Variants in MTUS2 observed in about 807,000 individuals in gnomAD.
MTUS2 encodes microtubule-associated tumor suppressor candidate 2.
MTUS2 carries 40 observed loss-of-function variants against 114.1 expected under a neutral mutation model. That is an observed-to-expected ratio of 0.35 (90% CI 0.27 to 0.46). The LOEUF (loss-of-function observed/expected upper bound fraction) is 0.46, where lower values mean the gene tolerates loss of function less well. MTUS2 is among the 20% of genes least tolerant of loss of function. The pLI is 1.00. For synonymous variants in MTUS2, 688 were observed against 672.0 expected, an observed-to-expected ratio of 1.02 and a Z score of -0.37; for missense variants, 1,679 against 1,705.4, an observed-to-expected ratio of 0.98 and a Z score of 0.27.
chr13:28,910,827 T>C (rs562061448), intron 2 of MTUS2, among the ~76,000 whole-genome samples: 46 of 149,528 alleles, frequency 3.1e-4, no homozygotes, highest in Non-Finnish European at 4.9e-4. Context: ...TTGTGAATAG[T>C]GGCTGCAATG....
intron 5 of MTUS2, among the ~76,000 whole-genome samples, chr13:29,160,765 G>A (rs560558264): frequency 2.0e-3 from 254 of 129,346 alleles, no homozygotes; most frequent in Non-Finnish European, 3.3e-3. Context: ...GCGAGACTCC[G>A]TCTCAAAAAA....
intron 2 of MTUS2, among the ~76,000 whole-genome samples, chr13:28,949,182 C>T (rs1335630569): frequency 6.6e-6 from 1 of 152,160 alleles, no homozygotes; most frequent in Admixed American, 6.5e-5. Context: ...GGAAAATAAA[C>T]ATCTCTTCTC....
chr13:29,439,273 A>G (rs1357621565), intron 8 of MTUS2, among the ~76,000 whole-genome samples: 4 of 152,238 alleles, frequency 2.6e-5, no homozygotes, highest in African/African-American at 4.8e-5. Context: ...CAAATTCAGC[A>G]CATCTTCAAC....
intron 5 of MTUS2, among the ~76,000 whole-genome samples, chr13:29,171,408 A>G (rs913102979): frequency 1.3e-5 from 2 of 152,156 alleles, no homozygotes; most frequent in African/African-American, 4.8e-5. Context: ...ATCAGGCCAA[A>G]ATAGGATCTG....
chr13:29,453,287 C>A (rs1454115071), intron 9 of MTUS2, among the ~76,000 whole-genome samples: 5 of 152,186 alleles, frequency 3.3e-5, no homozygotes, highest in Non-Finnish European at 7.3e-5. Flanking sequence ...CAAACATAAT[C>A]GACTCAGTTG....
chr13:29,125,018 T>C (rs1286840796), intron 5 of MTUS2, among the ~76,000 whole-genome samples: 1 of 152,190 alleles, frequency 6.6e-6, no homozygotes, highest in Non-Finnish European at 1.5e-5. Context: ...ATGGTTGTAA[T>C]TGTTGCACAA....
chr13:28,972,958 T>G (rs1012792722), intron 2 of MTUS2, among the ~76,000 whole-genome samples: 2 of 152,158 alleles, frequency 1.3e-5, no homozygotes, highest in Non-Finnish European at 1.5e-5. Context: ...TGAGTAGATA[T>G]GAACATTTCC....
chr13:28,983,362 T>C (rs895043051), intron 2 of MTUS2, among the ~76,000 whole-genome samples: 1 of 152,224 alleles, frequency 6.6e-6, no homozygotes, highest in Non-Finnish European at 1.5e-5. Flanking sequence ...AGAAGCCATG[T>C]GTGGCTGTTG....
intron 2 of MTUS2, among the ~76,000 whole-genome samples, chr13:29,020,902 ATATTATTAAGTGT>A (rs1402634475): frequency 6.6e-6 from 1 of 152,068 alleles, no homozygotes; most frequent in Non-Finnish European, 1.5e-5. Context: ...CCTGCTATAA[ATATTATTAAGTGT>A]CCTAACTTAA....
chr13:29,286,220 C>T (rs937625273), intron 6 of MTUS2, among the ~76,000 whole-genome samples: 2 of 152,204 alleles, frequency 1.3e-5, no homozygotes, highest in Non-Finnish European at 2.9e-5. Flanking sequence ...GCCACCGCAC[C>T]CGAATTATTG....
intron 2 of MTUS2, among the ~76,000 whole-genome samples, chr13:28,948,825 G>A (rs566994604): frequency 6.6e-6 from 1 of 152,150 alleles, no homozygotes; most frequent in Non-Finnish European, 1.5e-5. Flanking sequence ...TATAACAGGT[G>A]TCCACTCCCC....
intron 6 of MTUS2, among the ~76,000 whole-genome samples, chr13:29,293,334 A>G (rs1263118203): frequency 2.6e-5 from 4 of 152,216 alleles, no homozygotes; most frequent in Non-Finnish European, 5.9e-5. Flanking sequence ...CAATGGCTAT[A>G]AACATATGAA....
intron 8 of MTUS2, among the ~76,000 whole-genome samples, chr13:29,379,238 A>G (rs1448714865): frequency 6.6e-6 from 1 of 152,206 alleles, no homozygotes; most frequent in Non-Finnish European, 1.5e-5. Context: ...TATGGACTTC[A>G]TTGACTTTTG....
At chr13:29,205,436 T>G (rs7322266) in intron 5 of MTUS2, among the ~76,000 whole-genome samples, 126,501 of 151,610 alleles carry the variant, frequency 0.83, 52,986 homozygotes, top group African/African-American at 0.91. Flanking sequence ...AGTATTTTTT[T>G]GGGGAAAGGT....
At chr13:28,834,636 T>C (rs533698511) in intron 1 of MTUS2, among the ~76,000 whole-genome samples, 12 of 152,178 alleles carry the variant, frequency 7.9e-5, no homozygotes, top group Non-Finnish European at 1.5e-4. Flanking sequence ...TATTTTCTTA[T>C]ATGTAACAAA....
intron 5 of MTUS2, among the ~76,000 whole-genome samples, chr13:29,276,317 T>C (rs1035880871): frequency 9.9e-5 from 15 of 152,232 alleles, no homozygotes; most frequent in Non-Finnish European, 2.2e-4. Context: ...ATGCGGAATA[T>C]ATAACCTTGC....
At chr13:28,930,168 T>A (rs1881538972) in intron 2 of MTUS2, among the ~76,000 whole-genome samples, 1 of 152,220 alleles carries the variant, frequency 6.6e-6, no homozygotes, top group African/African-American at 2.4e-5. Flanking sequence ...TAGCCTCACA[T>A]AGTAAAATTA....
chr13:29,012,996 G>T (rs985138024), intron 2 of MTUS2, among the ~76,000 whole-genome samples: 1 of 152,196 alleles, frequency 6.6e-6, no homozygotes, highest in African/African-American at 2.4e-5. Flanking sequence ...AAAAGTGTGT[G>T]CCCTGCAAAC....
chr13:29,433,559 T>TA (rs891354510), intron 8 of MTUS2, among the ~76,000 whole-genome samples: 6 of 152,222 alleles, frequency 3.9e-5, no homozygotes, highest in Admixed American at 6.5e-5. Context: ...ATCCACCTCC[T>TA]ATGGGATTTT....
Sources: gnomAD v4.1 joint callset for allele counts (sites outside exome capture counted in the v4.1 genomes callset) on GRCh38, gnomAD v4.1.1 for gene constraint, MANE v1.5 for transcripts, NCBI Gene and HGNC (gene_info 2026-07-23, HGNC 2026-07-21) for gene names.